The following DLG2 variants were observed in gnomAD, a reference collection of about 807,000 sequenced individuals.
DLG2 encodes the protein disks large homolog 2.
Under a neutral mutation model 132.5 loss-of-function variants are expected in DLG2, and 45 were observed. The observed-to-expected ratio is 0.34, with a 90% confidence interval of 0.27 to 0.44. The LOEUF (loss-of-function observed/expected upper bound fraction) is 0.44, where lower values mean the gene tolerates loss of function less well. DLG2 is among the 20% of genes least tolerant of loss of function. The pLI, the probability that DLG2 is intolerant of heterozygous loss-of-function variation, is 1.00. For missense variants in DLG2, 1,045 were observed against 1,196.9 expected (o/e 0.87, Z 1.87); for synonymous variants, 424 against 419.6 (o/e 1.01, Z -0.13).
intron 3 of DLG2, among the ~76,000 whole-genome samples, chr11:85,583,222 G>A (rs533357648): frequency 1.4e-5 from 2 of 142,646 alleles, no homozygotes; most frequent in South Asian, 4.6e-4. Context: ...CTGGAGTGCA[G>A]TGGTGTGATC....
intron 3 of DLG2, among the ~76,000 whole-genome samples, chr11:85,575,554 A>C (rs1348047620): frequency 6.6e-6 from 1 of 151,792 alleles, no homozygotes; most frequent in East Asian, 1.9e-4. Flanking sequence ...AAAAAAAAAA[A>C]AAAATAGTGA....
intron 6 of DLG2, among the ~76,000 whole-genome samples, chr11:84,972,430 G>T (rs546449074): frequency 6.6e-5 from 10 of 152,288 alleles, no homozygotes; most frequent in Non-Finnish European, 1.2e-4. Flanking sequence ...AGCTGGTTTT[G>T]TCTATTACAA....
In DLG2 at chr11:84,583,811, T is replaced by A. The variant is rs117783079; in HGVS notation, c.358-49080A>T. 9.8e-3 allele frequency among the ~76,000 whole-genome samples: 1,497 copies of A among 152,262 alleles called. 16 individuals carry two copies. The highest frequency in any genetic ancestry group is 0.036 in the South Asian group (171 of 4,814). The stretch of plus-strand genomic sequence containing the variant: ...CTTTTTGACCTTCATAAAAGTGTTA[T>A]CATACCATATATCATTTTCCTTGAC... On this transcript the variant is annotated intron_variant, in intron 6 of 27. Coordinates refer to ENST00000376104, the MANE Select transcript of DLG2 (RefSeq NM_001142699.3).
intron 3 of DLG2, among the ~76,000 whole-genome samples, chr11:85,326,475 C>A (rs956251514): frequency 9.0e-6 from 1 of 111,706 alleles, no homozygotes; most frequent in Non-Finnish European, 1.8e-5. Flanking sequence ...ATTCAACATT[C>A]TTAAAGAAAA....
At chr11:84,661,528 A>C (rs183471914) in intron 6 of DLG2, among the ~76,000 whole-genome samples, 15 of 152,330 alleles carry the variant, frequency 9.8e-5, no homozygotes. Context: ...ATAGAGTGAC[A>C]TGAGAATGTT....
intron 9 of DLG2, among the ~76,000 whole-genome samples, chr11:84,108,654 G>C (rs1316739866): frequency 6.6e-6 from 1 of 152,096 alleles, no homozygotes; most frequent in Non-Finnish European, 1.5e-5. Flanking sequence ...AGGTAGCAGG[G>C]GGTCAGACAC....
intron 6 of DLG2, among the ~76,000 whole-genome samples, chr11:85,008,771 C>A (rs1235025033): frequency 6.6e-6 from 1 of 151,870 alleles, no homozygotes. Context: ...AACTTATATT[C>A]CAGTGGAATG....
intron 9 of DLG2, among the ~76,000 whole-genome samples, chr11:84,106,075 T>C (rs1464257643): frequency 6.6e-6 from 1 of 151,826 alleles, no homozygotes; most frequent in Non-Finnish European, 1.5e-5. Flanking sequence ...GCGAACAATA[T>C]AAGTAGGTAG....
chr11:85,015,511 C>G (rs2059497992), intron 6 of DLG2, among the ~76,000 whole-genome samples: 1 of 151,598 alleles, frequency 6.6e-6, no homozygotes, highest in Admixed American at 6.6e-5. Flanking sequence ...CTTAAATAAA[C>G]TACCAGTCCT....
At chr11:84,107,486 A>G (rs1361046481) in intron 9 of DLG2, among the ~76,000 whole-genome samples, 1 of 50,924 alleles carries the variant, frequency 2.0e-5, no homozygotes, top group African/African-American at 5.4e-5. Flanking sequence ...TGAGCACTCC[A>G]TCTTTAATTT....
rs547125912 is a variant in DLG2 at position 84,369,833 on chromosome 11, T to C, written c.520-118542A>G. Among the ~76,000 whole-genome samples the C allele has an allele frequency of 2.0e-5, 3 of 152,302 alleles. No individual in the cohort carries two copies. The South Asian group carries it at 6.2e-4, about 32-fold the overall frequency. ...AGGATATGAAATATGTATTGAGTGC[T>C]GACCATGTGCCAGGAGCATGCAGAT... On this transcript the variant is annotated intron_variant, in intron 7 of 27. Coordinates refer to ENST00000376104, the MANE Select transcript of DLG2 (RefSeq NM_001142699.3).
intron 11 of DLG2, among the ~76,000 whole-genome samples, chr11:84,045,027 T>G (rs1019018864): frequency 9.2e-5 from 14 of 151,812 alleles, no homozygotes; most frequent in African/African-American, 3.4e-4. Flanking sequence ...TTGCTAATTG[T>G]CCCTAAGTTT....
intron 6 of DLG2, among the ~76,000 whole-genome samples, chr11:84,736,591 G>A (rs918146115): frequency 2.0e-5 from 3 of 151,668 alleles, no homozygotes; most frequent in African/African-American, 7.3e-5. Context: ...AATTTCCAAT[G>A]TACTGATTTT....
intron 4 of DLG2, among the ~76,000 whole-genome samples, chr11:85,232,900 AC>A (rs1379779714): frequency 6.6e-6 from 1 of 152,012 alleles, no homozygotes; most frequent in Non-Finnish European, 1.5e-5. Flanking sequence ...TTCCAAATGT[AC>A]TTTTATTTGG....
chr11:83,546,455 T>C (rs990293014), intron 19 of DLG2, among the ~76,000 whole-genome samples: 2 of 152,102 alleles, frequency 1.3e-5, no homozygotes, highest in Non-Finnish European at 2.9e-5. Context: ...CAGATAGTAA[T>C]GGCACTAACG....
At chr11:83,602,005 C>G (rs1482579175) in intron 19 of DLG2, among the ~76,000 whole-genome samples, 5 of 152,174 alleles carry the variant, frequency 3.3e-5, no homozygotes. Flanking sequence ...TTGCCACAGA[C>G]CCCTCTTCCT....
intron 3 of DLG2, among the ~76,000 whole-genome samples, chr11:85,424,259 T>G (rs1168837953): frequency 1.3e-5 from 2 of 152,144 alleles, no homozygotes; most frequent in Non-Finnish European, 2.9e-5. Context: ...CTCACAGTAT[T>G]TGGATGTCTC....
chr11:84,753,393 T>C (rs189638574), intron 6 of DLG2, among the ~76,000 whole-genome samples: 1 of 152,282 alleles, frequency 6.6e-6, no homozygotes, highest in East Asian at 1.9e-4. Context: ...GGCACAGACA[T>C]ATGACCAATG....
chr11:84,021,873 A>G (rs1029985663), intron 11 of DLG2, among the ~76,000 whole-genome samples: 6 of 151,508 alleles, frequency 4.0e-5, no homozygotes, highest in Admixed American at 2.0e-4. Context: ...TCAGCCTCCC[A>G]GGTAGCTGGG....
Sources: gnomAD v4.1 joint callset for allele counts (sites outside exome capture counted in the v4.1 genomes callset) on GRCh38, gnomAD v4.1.1 for gene constraint, MANE v1.5 for transcripts, NCBI Gene and HGNC (gene_info 2026-07-23, HGNC 2026-07-21) for gene names.